CAPS2: variants seen among roughly 807,000 people sequenced by gnomAD.
CAPS2 encodes calcyphosin-2.
CAPS2 carries 98 observed loss-of-function variants against 86.5 expected under a neutral mutation model. The observed-to-expected ratio is 1.13, with a 90% CI of 0.96 to 1.34. CAPS2 has a LOEUF of 1.34. Among genes scored for constraint, CAPS2 ranks in the 40% most tolerant of loss-of-function variants. The pLI, the probability that CAPS2 is intolerant of heterozygous loss-of-function variation, is 0.00. For missense variants in CAPS2, 729 were observed against 686.8 expected, an observed-to-expected ratio of 1.06 and a Z score of -0.69; for synonymous variants, 210 against 225.1, an observed-to-expected ratio of 0.93 and a Z score of 0.60.
chr12:75,303,038 A>G (rs2038007427), intron 8 of CAPS2, among the ~76,000 whole-genome samples: 1 of 152,210 alleles, frequency 6.6e-6, no homozygotes, highest in South Asian at 2.1e-4. Flanking sequence ...ACTCAGCAGA[A>G]ATGAGTACAT....
intron 1 of CAPS2, among the ~76,000 whole-genome samples, chr12:75,357,138 T>A (rs1470231142): frequency 6.6e-6 from 1 of 152,200 alleles, no homozygotes; most frequent in African/African-American, 2.4e-5. Context: ...TGCAGTGAAC[T>A]ATAATTTCAC....
At chr12:75,389,989 T>G (rs1369265808) in intron 1 of CAPS2, among the ~76,000 whole-genome samples, 1 of 152,224 alleles carries the variant, frequency 6.6e-6, no homozygotes. Context: ...TTTTCAATTG[T>G]GTGCATCACA....
chr12:75,296,323 G>A (rs1303684599), intron 11 of CAPS2, among the ~76,000 whole-genome samples: 2 of 150,722 alleles, frequency 1.3e-5, no homozygotes, highest in South Asian at 2.1e-4. Context: ...ACAGAGTCTC[G>A]CTCTGTCACC....
At chr12:75,363,609 T>C (rs971837568) in intron 1 of CAPS2, among the ~76,000 whole-genome samples, 2 of 152,198 alleles carry the variant, frequency 1.3e-5, no homozygotes, top group African/African-American at 2.4e-5. Flanking sequence ...ATCAGCTTTT[T>C]GGTTCTCAAA....
chr12:75,302,114 C>T (rs1005995878), intron 8 of CAPS2, among the ~76,000 whole-genome samples: 1 of 152,158 alleles, frequency 6.6e-6, no homozygotes, highest in African/African-American at 2.4e-5. Flanking sequence ...AAGGGCTGTA[C>T]TACTCACGCC....
At position 75,344,289 on chromosome 12, in the gene CAPS2, C is replaced by T. The variant is rs1036759331; in HGVS notation, c.-394-21067G>A. On this transcript the variant is annotated intron_variant, in intron 1 of 5. Coordinates refer to the CAPS2 transcript ENST00000551829. ...TGTAGAAAGCCACTTGAAGTTCTTC[C>T]CACATAAACTGATGCTCTTGTCTTT... Among the ~76,000 whole-genome samples, 11 of 152,094 alleles carry T rather than the reference C, an allele frequency of 7.2e-5. No individual in the cohort carries two copies. In the East Asian group the frequency reaches 9.7e-4, roughly 13 times the overall value.
chr12:75,277,296 G>A, exon 17 of CAPS2: 6 of 966,700 alleles, frequency 6.2e-6, no homozygotes, highest in Non-Finnish European at 7.4e-6. Flanking sequence ...TTAAGAACAG[G>A]TTTCTTAAGA....
At chr12:75,369,881 T>C (rs2044245604) in intron 1 of CAPS2, 1 of 1,340,246 alleles carries the variant, frequency 7.5e-7, no homozygotes, top group African/African-American at 1.5e-5. Context: ...ATTGTCTTAT[T>C]CTAAAAGCCA....
chr12:75,377,751 C>T (rs1273242483), intron 1 of CAPS2, among the ~76,000 whole-genome samples: 1 of 151,928 alleles, frequency 6.6e-6, no homozygotes, highest in East Asian at 1.9e-4. Context: ...ATGTTAATCT[C>T]CTTTAGCAAC....
intron 1 of CAPS2, among the ~76,000 whole-genome samples, chr12:75,372,450 A>G (rs1384074270): frequency 6.6e-6 from 1 of 152,170 alleles, no homozygotes; most frequent in African/African-American, 2.4e-5. Context: ...TACTTCTTGT[A>G]TCTCCTGGTG....
At chr12:75,316,895 CT>C (rs1159099296) in intron 5 of CAPS2, among the ~76,000 whole-genome samples, 14 of 152,074 alleles carry the variant, frequency 9.2e-5, no homozygotes, top group African/African-American at 2.7e-4. Context: ...GTAAAAGATT[CT>C]TTGGGATGCT....
exon 8 of CAPS2, chr12:75,304,837 C>T: frequency 1.2e-6 from 2 of 1,611,926 alleles, no homozygotes; most frequent in South Asian, 1.1e-5. Flanking sequence ...TTTCTTTTTG[C>T]TCAATGGCTA....
intron 1 of CAPS2, among the ~76,000 whole-genome samples, chr12:75,389,631 T>C (rs1459021865): frequency 6.6e-6 from 1 of 152,244 alleles, no homozygotes; most frequent in Admixed American, 6.5e-5. Context: ...GTTCTAGCCA[T>C]ACTAAAATAC....
chr12:75,288,817 C>G (rs2035347866), intron 14 of CAPS2, among the ~76,000 whole-genome samples: 1 of 152,074 alleles, frequency 6.6e-6, no homozygotes, highest in South Asian at 2.1e-4. Flanking sequence ...ACACTCTGGT[C>G]CCCACCCTGA....
intron 11 of CAPS2, among the ~76,000 whole-genome samples, chr12:75,296,812 A>G (rs2036977950): frequency 6.6e-6 from 1 of 152,248 alleles, no homozygotes; most frequent in African/African-American, 2.4e-5. Context: ...ATAAAACAAT[A>G]GAAGATTGGG....
Position 75,313,009 on chromosome 12 carries a change from T to A in CAPS2, c.592-94A>T, listed in dbSNP as rs528719994. 3.5e-5 allele frequency: 23 copies of A among 665,546 alleles called. No individual in the cohort carries two copies. The South Asian group carries it at 4.3e-4, about 12-fold the overall frequency. 41.2% of individuals were successfully genotyped at this position (665,546 alleles called of 1,614,324 possible). On this transcript the variant is annotated intron_variant, in intron 6 of 16. Coordinates refer to ENST00000393284, the Ensembl canonical transcript of CAPS2. ...TTCTAAAACATAAATTAAATATCTC[T>A]GATTTCCGTCTTAGATATAGATGGA...
intron 16 of CAPS2, among the ~76,000 whole-genome samples, chr12:75,279,977 T>C (rs2033629860): frequency 6.6e-6 from 1 of 151,912 alleles, no homozygotes; most frequent in Non-Finnish European, 1.5e-5. Flanking sequence ...TAGCGAAGAA[T>C]TTCATACCTC....
intron 1 of CAPS2, among the ~76,000 whole-genome samples, chr12:75,326,032 A>G (rs1294125187): frequency 3.3e-5 from 5 of 152,192 alleles, no homozygotes; most frequent in Non-Finnish European, 7.4e-5. Context: ...GAAAACTTCA[A>G]GTTAATGAAA....
At chr12:75,316,203 C>T (rs922722791) in intron 6 of CAPS2, 109 bp downstream of exon 6, 45 of 1,341,316 alleles carry the variant, frequency 3.4e-5, no homozygotes, top group Middle Eastern at 2.3e-4. Flanking sequence ...AATATTCACC[C>T]GAGTTCAAAT....
Sources: gnomAD v4.1 joint callset for allele counts (sites outside exome capture counted in the v4.1 genomes callset) on GRCh38, gnomAD v4.1.1 for gene constraint, MANE v1.5 for transcripts, NCBI Gene and HGNC (gene_info 2026-07-23, HGNC 2026-07-21) for gene names.